The following DACT3 variants were observed in gnomAD, a reference collection of about 807,000 sequenced individuals.
DACT3 encodes the protein dapper homolog 3.
A neutral mutation model predicts 19.6 loss-of-function variants in DACT3; 5 were observed. That is an observed-to-expected ratio of 0.26 (90% confidence interval 0.13 to 0.54). The LOEUF is 0.54. Among genes scored for constraint, DACT3 ranks in the 20% least tolerant of loss-of-function variants. The pLI is 0.95. For missense variants in DACT3, 908 were observed against 927.4 expected (o/e 0.98, Z 0.27); for synonymous variants, 454 against 428.1 (o/e 1.06, Z -0.75).
chr19:46,654,289 C>A, intron 1 of DACT3: 1 of 807,352 alleles, frequency 1.2e-6, no homozygotes. Context: ...GAGTTGGAAC[C>A]AGCCTGGCCA....
intron 1 of DACT3, among the ~76,000 whole-genome samples, chr19:46,653,415 G>A (rs1228496983): frequency 6.6e-6 from 1 of 151,974 alleles, no homozygotes; most frequent in Non-Finnish European, 1.5e-5. Flanking sequence ...TGATTAGAAT[G>A]TCCCTCTTTG....
chr19:46,649,027 G>A lies in DACT3; in HGVS notation c.1345C>T (p.Arg449Trp). ...GGCCGTGGAGGCCGAGGCTCTTCCC[G>A]CTCCGCCGTGGGGTACTTAGGGGGC... ...SGPPKYPTAE[R>W]EEPRPPRPRR... Residue 449 changes from arginine to tryptophan, a missense_variant, in exon 4 of 4, where the codon CGG becomes TGG. Physicochemically the swap from Arg to Trp is moderately radical, Grantham distance 101. Coordinates refer to ENST00000391916, the MANE Select transcript of DACT3 (RefSeq NM_145056.3). The A allele has an allele frequency of 1.6e-6, 2 of 1,271,744 alleles. No individual in the cohort carries two copies. Among genetic ancestry groups the A allele is most frequent in the Non-Finnish European group, 2.0e-6 (2 of 1,010,660 alleles). 78.8% of individuals were successfully genotyped at this position (1,271,744 alleles called of 1,614,324 possible).
In DACT3 at chr19:46,659,331, G is replaced by A. The variant is rs1012981527; in HGVS notation, c.249+1485C>T. 5 of 946,904 alleles carry A rather than the reference G, an allele frequency of 5.3e-6. No homozygotes were observed. In the African/African-American group the frequency reaches 8.9e-5, roughly 17 times the overall value. 58.7% of individuals were successfully genotyped at this position (946,904 alleles called of 1,614,324 possible). On this transcript the variant is annotated intron_variant, in intron 1 of 3. Transcript: ENST00000391916. ...GGGACAGAGGGACCGAGGAGAGGGA[G>A]ACTGAAGGGCAGAGATGGGGAAGGT...
chr19:46,651,057 T>TTATTTATC (rs1211040814), intron 3 of DACT3: 1 of 134,974 alleles, frequency 7.4e-6, no homozygotes, highest in African/African-American at 2.8e-5. Flanking sequence ...CCTGGTTTAT[T>TTATTTATC]TATTTATCTA....
In DACT3 at chr19:46,648,363, G is replaced by A. The variant is rs2052938672; in HGVS notation, c.*119C>T. 6.5e-7 allele frequency: 1 copy of A among 1,530,752 alleles called. No individual in the cohort carries two copies. Among genetic ancestry groups the A allele is most frequent in the Admixed American group, 1.9e-5 (1 of 53,870 alleles). The allele number at this position is 1,530,752 out of a possible 1,614,324, so 94.8% of individuals were successfully genotyped here. A position where few individuals can be genotyped will look rare whatever the true frequency, so the allele number is the denominator to read the frequency against. ...AGACTGTTAGGAGTGGGGAGAGTGA[G>A]GGGGGTCTTTGGAAGCAGAGAAAAC... On this transcript the variant is annotated 3_prime_UTR_variant, in exon 4 of 4. Transcript: ENST00000391916. This position sits in a 1 kb window ranked among gnomAD's most constrained non-coding sequence, Gnocchi z 5.1.
rs1242802390 is a variant in DACT3, at chr19:46,648,904, C to A, written c.1468G>T (p.Val490Leu). The change falls in exon 4 of 4, where the codon GTG (valine) becomes TTG (leucine). Residue 490 changes from valine to leucine, a missense_variant. This residue lies in a region of DACT3 where 656 missense variants were observed against 601.8 expected (regional missense o/e 1.09). Coordinates refer to ENST00000391916, the MANE Select transcript of DACT3 (RefSeq NM_145056.3). The surrounding 1 kb of genome is among the most constrained non-coding windows in gnomAD (Gnocchi z 5.1). ...CGCGCCGCAGGGGCTCGGGGCCGCA[C>A]GCGGCGCCCATCGGCAGCGTCGATC... ...AEIDAADGRRVRPRAPAARVP... is the reference protein window; with the variant it reads ...AEIDAADGRRLRPRAPAARVP... 5.1e-6 allele frequency: 7 copies of A among 1,361,682 alleles called. No individual in the cohort carries two copies. Among genetic ancestry groups the A allele is most frequent in the African/African-American group, 1.5e-5 (1 of 64,820 alleles). 84.3% of individuals were successfully genotyped at this position (1,361,682 alleles called of 1,614,324 possible). A position where few individuals can be genotyped will look rare whatever the true frequency, so the allele number is the denominator to read the frequency against.
intron 1 of DACT3, 109 bp from the exon 2 acceptor site, chr19:46,653,184 C>T (rs188016106): frequency 5.6e-5 from 82 of 1,463,930 alleles, no homozygotes; most frequent in Admixed American, 2.5e-4. Context: ...ATGAGGCTCT[C>T]GCTTCAAAGG....
Position 46,649,757 on chromosome 19 carries a change from C to G in DACT3, c.615G>C (p.Ser205=), listed in dbSNP as rs1174798538. The change falls in exon 4 of 4, where the codon TCG becomes TCC. Residue 205 remains serine, a synonymous_variant. Coordinates refer to ENST00000391916, the MANE Select transcript of DACT3 (RefSeq NM_145056.3). ...GCCCGGCGCGGGCCCGCCGCTCCGC[C>G]GAGGAGCAGGCCTCCGGGCCGGCGG... is the stretch of plus-strand genomic sequence containing the variant. ...GGSAGPEACS[S]AERRARAGPF... The G allele has an allele frequency of 7.4e-5, 96 of 1,293,146 alleles. No individual in the cohort carries two copies. The highest frequency in any genetic ancestry group is 3.0e-4 in the Middle Eastern group (1 of 3,370). The allele number at this position is 1,293,146 out of a possible 1,614,324, so 80.1% of individuals were successfully genotyped here.
Position 46,661,066 on chromosome 19 carries a change from G to A in DACT3, c.-2C>T. On this transcript the variant is annotated 5_prime_UTR_variant, in exon 1 of 4. Transcript: ENST00000391916. ...CGGGAACGAGAAGGCCCGGATCATGGCTGCGGCCCCCCGCCCCAGCCCGGC... is the reference window on the plus strand; with the variant it reads ...CGGGAACGAGAAGGCCCGGATCATGACTGCGGCCCCCCGCCCCAGCCCGGC... The A allele has an allele frequency of 1.4e-6, 2 of 1,461,974 alleles. No homozygotes were observed. Among genetic ancestry groups the A allele is most frequent in the Non-Finnish European group, 9.0e-7 (1 of 1,112,702 alleles). 90.6% of individuals were successfully genotyped at this position (1,461,974 alleles called of 1,614,324 possible). A position where few individuals can be genotyped will look rare whatever the true frequency, so the allele number is the denominator to read the frequency against.
rs1555822614 is a variant in DACT3, at chr19:46,653,539, T to TTTTTTTTATTTATTTATTTATTTATTTA, written c.250-465_250-464insTAAATAAATAAATAAATAAATAAAAAAA. On this transcript the variant is annotated intron_variant, in intron 1 of 3. Transcript: ENST00000391916. ...CTTCTCCAAGTTTTTCTTTTTTTAT[T>TTTTTTTTATTTATTTATTTATTTATTTA]TTTATTTATTTATTTATTTATTTAT... 5.7e-5 allele frequency among the ~76,000 whole-genome samples: 8 copies of TTTTTTTTATTTATTTATTTATTTATTTA among 141,218 alleles called. 1 individual carries two copies. The highest frequency in any genetic ancestry group is 4.3e-4 in the Admixed American group (6 of 14,066). The allele number at this position is 141,218 out of a possible 152,430, so 92.6% of individuals were successfully genotyped here. A position where few individuals can be genotyped will look rare whatever the true frequency, so the allele number is the denominator to read the frequency against.
At position 46,652,992 on chromosome 19, in the gene DACT3, G is replaced by A. The variant is rs371406284; in HGVS notation, c.333C>T (p.Ser111=). The A allele has an allele frequency of 8.4e-6, 13 of 1,551,082 alleles. No homozygotes were observed. Among genetic ancestry groups the A allele is most frequent in the South Asian group, 3.6e-5 (3 of 84,058 alleles). Residue 111 remains serine (S), a synonymous_variant, in exon 2 of 4, where the codon AGC becomes AGT. Transcript: ENST00000391916. ...SLESGGLEQE[S]GRSSGFYEDP... ...ATCCATGCTCACCCGAGCTACGCCC[G>A]CTCTCCTGTTCCAGGCCCCCAGACT...
In DACT3 at chr19:46,654,954, T is replaced by C. The variant is rs774408567; in HGVS notation, c.250-1879A>G. 322 of 985,206 alleles carry C rather than the reference T, an allele frequency of 3.3e-4. 1 individual carries two copies. The highest frequency in any genetic ancestry group is 8.9e-5 in the Non-Finnish European group (74 of 829,922). 61.0% of individuals were successfully genotyped at this position (985,206 alleles called of 1,614,324 possible). ...ACTCTGGGCTCCTGCCCTGGGTATA[T>C]TGAGATGCTCACAGTGAAGTCATCT... On this transcript the variant is annotated intron_variant, in intron 1 of 3. Coordinates refer to ENST00000391916, the MANE Select transcript of DACT3 (RefSeq NM_145056.3).
chr19:46,654,479 G>T, intron 1 of DACT3: 1 of 761,372 alleles, frequency 1.3e-6, no homozygotes, highest in Non-Finnish European at 1.5e-6. Flanking sequence ...CAGCAAGACT[G>T]ACAAAAAAAA....
chr19:46,652,837 G>T lies in DACT3; in HGVS notation c.347-25C>A, dbSNP rs1005520423. 7.8e-6 allele frequency: 12 copies of T among 1,546,040 alleles called. No homozygotes were observed. The African/African-American group carries it at 1.6e-4, about 21-fold the overall frequency. Reference sequence around the variant, plus strand: ...CCTAAATTTCCAGGAGAAGCAGAGAGACTTCAGGGGGTTTGGGTGGGAAAA... The same window carrying T: ...CCTAAATTTCCAGGAGAAGCAGAGATACTTCAGGGGGTTTGGGTGGGAAAA... On this transcript the variant is annotated intron_variant, in intron 2 of 3. Transcript: ENST00000391916.
intron 3 of DACT3, 50 bp downstream of exon 3, chr19:46,652,610 C>A (rs1004856405): frequency 2.0e-6 from 3 of 1,534,008 alleles, no homozygotes; most frequent in Admixed American, 2.0e-5. Flanking sequence ...CACAACCATC[C>A]TCCTACTGTC....
chr19:46,656,622 T>C (rs2053036380), intron 1 of DACT3, among the ~76,000 whole-genome samples: 1 of 152,210 alleles, frequency 6.6e-6, no homozygotes, highest in Middle Eastern at 3.2e-3. Flanking sequence ...AGTGCTGGGA[T>C]TGCAGGCATG....
chr19:46,649,845 A>C lies in DACT3; in HGVS notation c.527T>G (p.Val176Gly), dbSNP rs2122442992. The change falls in exon 4 of 4, where the codon GTG becomes GGG. Residue 176 changes from valine to glycine, a missense_variant. Physicochemically the swap from Val to Gly is moderately radical, Grantham distance 109 (BLOSUM62 -3). Around this residue, in one of 2 missense-constraint regions of DACT3, gnomAD observed 252 missense variants for 325.6 expected, o/e 0.77. Transcript: ENST00000391916. ...LGDASPSAPE[V>G]VGARAAVPRS... is the part of the protein sequence containing the mutation. ...CGGCACCGCTGCCCGCGCGCCCACC[A>C]CCTCCGGAGCGCTGGGACTGGCGTC... 1 of 1,411,376 alleles carries C rather than the reference A, an allele frequency of 7.1e-7. No homozygotes were observed. 87.4% of individuals were successfully genotyped at this position (1,411,376 alleles called of 1,614,324 possible). A position where few individuals can be genotyped will look rare whatever the true frequency, so the allele number is the denominator to read the frequency against.
chr19:46,655,919 CTCTCTCTA>C (rs1022345054), intron 1 of DACT3, among the ~76,000 whole-genome samples: 23 of 108,514 alleles, frequency 2.1e-4, no homozygotes, highest in African/African-American at 5.6e-4. Flanking sequence ...CTCTCTCTCT[CTCTCTCTA>C]TATATATATA....
chr19:46,657,903 T>A (rs1184253878), intron 1 of DACT3, among the ~76,000 whole-genome samples: 1 of 151,596 alleles, frequency 6.6e-6, no homozygotes, highest in Non-Finnish European at 1.5e-5. Flanking sequence ...AATACAAAAA[T>A]TAGCCAGGGG....
Sources: allele counts gnomAD v4.1 joint callset (sites outside exome capture counted in the v4.1 genomes callset), GRCh38; gene constraint gnomAD v4.1.1; regional missense constraint gnomAD v4.1.1; non-coding constraint Gnocchi (gnomAD v3.1); transcripts MANE v1.5; gene names NCBI Gene and HGNC (gene_info 2026-07-23, HGNC 2026-07-21).